Variants in EFR3A observed in about 807,000 individuals in gnomAD.
The protein encoded by EFR3A is protein EFR3 homolog A.
Under a neutral mutation model 104.4 loss-of-function variants are expected in EFR3A, and 76 were observed. That is an observed-to-expected ratio of 0.73 (90% confidence interval 0.60 to 0.88). EFR3A has a LOEUF of 0.88. Among genes scored for constraint, EFR3A ranks in the 40% least tolerant of loss-of-function variants. The probability of loss-of-function intolerance (pLI) is 0.00; values close to 1 mark genes in which losing one functional copy is unlikely to be tolerated. For missense variants in EFR3A, 985 were observed against 1,012.5 expected, an observed-to-expected ratio of 0.97 and a Z score of 0.37; for synonymous variants, 330 against 330.0, an observed-to-expected ratio of 1.00 and a Z score of 0.00.
intron 20 of EFR3A, 100 bp downstream of exon 20, chr8:132,001,907 A>G: frequency 1.0e-6 from 1 of 984,134 alleles, no homozygotes; most frequent in African/African-American, 1.6e-5. Context: ...TTACAAAAAT[A>G]AACCAAAGAA....
intron 14 of EFR3A, 146 bp from the exon 15 acceptor site, chr8:131,983,993 A>G (rs1820746597): frequency 1.8e-6 from 1 of 549,830 alleles, no homozygotes; most frequent in African/African-American, 2.0e-5. Flanking sequence ...TTTATAATTG[A>G]AATTTGACTA....
chr8:131,945,918 C>T (rs1335971590), intron 3 of EFR3A, among the ~76,000 whole-genome samples: 1 of 152,034 alleles, frequency 6.6e-6, no homozygotes, highest in Non-Finnish European at 1.5e-5. Flanking sequence ...CATTAACCAA[C>T]GTCTCTTCAT....
intron 9 of EFR3A, 23 bp downstream of exon 9, chr8:131,968,453 A>G (rs1246523352): frequency 6.2e-7 from 1 of 1,611,990 alleles, no homozygotes; most frequent in South Asian, 1.1e-5. Flanking sequence ...AAATAAAATA[A>G]AATAGTGCGT....
intron 5 of EFR3A, among the ~76,000 whole-genome samples, chr8:131,953,593 A>G (rs1455791001): frequency 1.3e-5 from 2 of 152,116 alleles, no homozygotes; most frequent in Non-Finnish European, 2.9e-5. Context: ...AACGTTTTAA[A>G]TGCGGATTTT....
intron 1 of EFR3A, among the ~76,000 whole-genome samples, chr8:131,931,229 A>C (rs1817593389): frequency 6.6e-6 from 1 of 152,178 alleles, no homozygotes; most frequent in African/African-American, 2.4e-5. Flanking sequence ...TTAGAGAAGC[A>C]TTGTACTATG....
At chr8:131,904,732 C>T (rs1816155652) in intron 1 of EFR3A, among the ~76,000 whole-genome samples, 1 of 152,226 alleles carries the variant, frequency 6.6e-6, no homozygotes, top group Non-Finnish European at 1.5e-5. Context: ...CGCGCCGGCC[C>T]CGAGTCCCTT....
Position 131,969,524 on chromosome 8 carries a change from G to GT in EFR3A, c.992-940dup, listed in dbSNP as rs112899303. 3.2e-3 allele frequency among the ~76,000 whole-genome samples: 430 copies of GT among 135,366 alleles called. 2 individuals are homozygous for GT. Among genetic ancestry groups the GT allele is most frequent in the African/African-American group, 7.9e-3 (294 of 37,424 alleles). The allele number at this position is 135,366 out of a possible 152,430, so 88.8% of individuals were successfully genotyped here. ...CTGTATTGCTTTTTTATTTGTGTGT[G>GT]TTTTTTTTTTTTATCGTGGGTTTTT... On this transcript the variant is annotated intron_variant, in intron 9 of 22. Transcript: ENST00000254624.
intron 3 of EFR3A, 35 bp from the exon 4 acceptor site, chr8:131,946,448 G>C (rs1182905355): frequency 3.3e-6 from 5 of 1,500,328 alleles, no homozygotes; most frequent in Non-Finnish European, 4.5e-6. Context: ...AAGAGAGGTA[G>C]AAATGCTTTG....
At chr8:131,996,293 C>T in intron 18 of EFR3A, 113 bp from the exon 19 acceptor site, 2 of 627,650 alleles carry the variant, frequency 3.2e-6, no homozygotes, top group Non-Finnish European at 5.1e-6. Flanking sequence ...ACAAAAAAGA[C>T]AAACTGTCTG....
chr8:132,001,703 G>A, intron 19 of EFR3A, 56 bp from the exon 20 acceptor site: 1 of 1,441,002 alleles, frequency 6.9e-7, no homozygotes, highest in African/African-American at 1.4e-5. Context: ...CTAGGTAAAG[G>A]TGTTATTTAT....
chr8:131,997,840 C>T (rs1248473611), intron 19 of EFR3A, among the ~76,000 whole-genome samples: 1 of 151,892 alleles, frequency 6.6e-6, no homozygotes, highest in Non-Finnish European at 1.5e-5. Flanking sequence ...TTACTTCTTT[C>T]AAAAATATAT....
intron 2 of EFR3A, among the ~76,000 whole-genome samples, chr8:131,941,149 G>T (rs558734921): frequency 6.6e-6 from 1 of 152,140 alleles, no homozygotes; most frequent in East Asian, 1.9e-4. Context: ...TTTTAGAAGA[G>T]AACTGAGAGG....
At chr8:131,915,688 T>TA (rs1469583548) in intron 1 of EFR3A, among the ~76,000 whole-genome samples, 1 of 152,082 alleles carries the variant, frequency 6.6e-6, no homozygotes, top group Non-Finnish European at 1.5e-5. Context: ...CCAAGTGCCT[T>TA]AAAGTATACT....
chr8:131,955,733 T>A (rs1254163612), intron 6 of EFR3A, 35 bp from the exon 7 acceptor site: 2 of 1,584,680 alleles, frequency 1.3e-6, no homozygotes, highest in African/African-American at 2.7e-5. Flanking sequence ...ATATTAAAAT[T>A]CTTGTGTTTT....
chr8:131,904,851 A>G (rs1315751974), intron 1 of EFR3A, among the ~76,000 whole-genome samples: 2 of 152,160 alleles, frequency 1.3e-5, no homozygotes, highest in Non-Finnish European at 2.9e-5. Flanking sequence ...AGGCACCTCG[A>G]CTGTGGCTTT....
At chr8:131,962,486 GATCA>G (rs1193866373) in intron 8 of EFR3A, among the ~76,000 whole-genome samples, 1 of 152,096 alleles carries the variant, frequency 6.6e-6, no homozygotes, top group African/African-American at 2.4e-5. Context: ...ATGGTAAAGG[GATCA>G]ATTCAACAAG....
chr8:132,005,753 C>T (rs1446287608), intron 22 of EFR3A, among the ~76,000 whole-genome samples: 1 of 152,062 alleles, frequency 6.6e-6, no homozygotes, highest in Non-Finnish European at 1.5e-5. Context: ...AAGATTTGAA[C>T]CATTTCAGTC....
Position 132,010,859 on chromosome 8 carries a change from C to T in EFR3A, c.2430C>T (p.Val810=). 6.2e-7 allele frequency: 1 copy of T among 1,612,550 alleles called. No homozygotes were observed. Among genetic ancestry groups the T allele is most frequent in the Non-Finnish European group, 8.5e-7 (1 of 1,178,950 alleles). ...SGHAQYQSVP[V]YEMKFPDLCV... ...ATGCCCAATACCAATCTGTCCCAGT[C>T]TATGAGATGAAGTTTCCAGATCTGT... The change falls in exon 23 of 23, where the codon GTC becomes GTT. Residue 810 remains valine, a synonymous_variant. Transcript: ENST00000254624.
Position 131,978,929 on chromosome 8 carries a change from T to C in EFR3A, c.1409T>C (p.Met470Thr). ...FLDPLLSPSL[M>T]EDYELRQLVL... ...GATCCTTTGTTATCACCATCTCTCATGGAGGACTACGAACTGAGACAGTTG... is the reference window on the plus strand; with the variant it reads ...GATCCTTTGTTATCACCATCTCTCACGGAGGACTACGAACTGAGACAGTTG... Residue 470 changes from methionine to threonine, a missense_variant, in exon 13 of 23, where the codon ATG (methionine) becomes ACG (threonine). By Grantham distance (81) the Met-to-Thr change is moderately conservative. Coordinates refer to ENST00000254624, the MANE Select transcript of EFR3A (RefSeq NM_015137.6). The C allele has an allele frequency of 6.2e-7, 1 of 1,613,162 alleles. No individual in the cohort carries two copies. Among genetic ancestry groups the C allele is most frequent in the Non-Finnish European group, 8.5e-7 (1 of 1,179,300 alleles).
Sources: gnomAD v4.1 joint callset for allele counts (sites outside exome capture counted in the v4.1 genomes callset) on GRCh38, gnomAD v4.1.1 for gene constraint, MANE v1.5 for transcripts, NCBI Gene and HGNC (gene_info 2026-07-23, HGNC 2026-07-21) for gene names.